Variants in FAF1 observed in about 807,000 individuals in gnomAD.
FAF1 encodes FAS-associated factor 1.
A neutral mutation model predicts 92.5 loss-of-function variants in FAF1; 25 were observed. The observed-to-expected ratio is 0.27, with a 90% confidence interval of 0.20 to 0.38. The LOEUF (loss-of-function observed/expected upper bound fraction) is 0.38. Among genes scored for constraint, FAF1 ranks in the 10% least tolerant of loss-of-function variants. The probability of loss-of-function intolerance (pLI) is 1.00; values close to 1 mark genes in which losing one functional copy is unlikely to be tolerated. For synonymous variants in FAF1, 234 were observed against 273.2 expected (o/e 0.86, Z 1.42); for missense variants, 636 against 793.3 (o/e 0.80, Z 2.38).
At chr1:50,921,158 G>A (rs1192860731) in intron 1 of FAF1, among the ~76,000 whole-genome samples, 1 of 152,174 alleles carries the variant, frequency 6.6e-6, no homozygotes, top group Non-Finnish European at 1.5e-5. Flanking sequence ...CTGTCCAGGG[G>A]CCTTAGGTTG....
chr1:50,797,791 A>G (rs1661818845), intron 3 of FAF1, among the ~76,000 whole-genome samples: 1 of 152,220 alleles, frequency 6.6e-6, no homozygotes, highest in South Asian at 2.1e-4. Flanking sequence ...AGATTGCTTG[A>G]GCTCAGGAGG....
intron 7 of FAF1, among the ~76,000 whole-genome samples, chr1:50,660,152 T>G (rs1655309253): frequency 6.6e-6 from 1 of 152,192 alleles, no homozygotes. Context: ...TTTGATTCAT[T>G]TAAATTTTCA....
intron 18 of FAF1, among the ~76,000 whole-genome samples, chr1:50,447,840 C>T (rs918829042): frequency 6.6e-6 from 1 of 152,190 alleles, no homozygotes; most frequent in African/African-American, 2.4e-5. Flanking sequence ...AAAACCCTCT[C>T]CTCTCTGAAT....
chr1:50,610,201 T>A (rs184548417), intron 8 of FAF1, among the ~76,000 whole-genome samples: 2 of 152,214 alleles, frequency 1.3e-5, no homozygotes, highest in African/African-American at 4.8e-5. Context: ...TTCAAATATA[T>A]GTATTACCTG....
At position 50,441,458 on chromosome 1, in the gene FAF1, GA is replaced by G; in HGVS notation, c.1934del (p.Phe645SerfsTer18). The G allele has an allele frequency of 6.5e-7, 1 of 1,542,228 alleles. No individual in the cohort carries two copies. Among genetic ancestry groups the G allele is most frequent in the Non-Finnish European group, 8.8e-7 (1 of 1,139,572 alleles). ...EVKLFPQETL[F>X]LEAKE ...GCCGTGTTTACTCTTTTGCTTCAAGGAAAAGGGTTTCTTGAGGGAACAACTT... is the reference window on the plus strand; with the variant it reads ...GCCGTGTTTACTCTTTTGCTTCAAGGAAAGGGTTTCTTGAGGGAACAACTT... On this transcript the variant is annotated frameshift_variant, in exon 19 of 19. Transcript: ENST00000396153. LOFTEE classifies it high-confidence loss of function.
intron 2 of FAF1, among the ~76,000 whole-genome samples, chr1:50,843,311 T>C (rs1430752259): frequency 6.6e-6 from 1 of 152,198 alleles, no homozygotes; most frequent in Non-Finnish European, 1.5e-5. Flanking sequence ...ATGGGATATT[T>C]TGATACAAGC....
chr1:50,914,278 G>A (rs555247819), intron 1 of FAF1, among the ~76,000 whole-genome samples: 208 of 152,184 alleles, frequency 1.4e-3, no homozygotes, highest in African/African-American at 4.8e-3. Context: ...ACACCAAAGA[G>A]GAAATTTGGT....
At chr1:50,480,264 C>T (rs1014104752) in intron 17 of FAF1, among the ~76,000 whole-genome samples, 8 of 152,096 alleles carry the variant, frequency 5.3e-5, no homozygotes, top group Non-Finnish European at 1.2e-4. Flanking sequence ...AAGACTGTCA[C>T]TACAAGGTTA....
At chr1:50,931,888 A>AATAATAATAAT (rs778583887) in intron 1 of FAF1, among the ~76,000 whole-genome samples, 1 of 129,502 alleles carries the variant, frequency 7.7e-6, no homozygotes, top group Admixed American at 7.9e-5. Context: ...ATAAATAAAT[A>AATAATAATAAT]AATAATAATA....
intron 3 of FAF1, among the ~76,000 whole-genome samples, chr1:50,797,871 G>A (rs1408173752): frequency 6.6e-6 from 1 of 152,022 alleles, no homozygotes; most frequent in East Asian, 1.9e-4. Flanking sequence ...ACACCGATTT[G>A]GAAGCTCTAT....
chr1:50,466,356 CAGTAGGAATCAGGAATTA>C (rs1314399451), intron 18 of FAF1, among the ~76,000 whole-genome samples: 1 of 152,046 alleles, frequency 6.6e-6, no homozygotes, highest in Non-Finnish European at 1.5e-5. Context: ...TTTTAGGGGA[CAGTAGGAATCAGGAATTA>C]AGTTCTGACT....
chr1:50,479,819 A>T (rs1486259689), intron 17 of FAF1, among the ~76,000 whole-genome samples: 1 of 152,176 alleles, frequency 6.6e-6, no homozygotes, highest in Non-Finnish European at 1.5e-5. Flanking sequence ...TCCCACACCA[A>T]TGGACCAATG....
At chr1:50,927,261 T>C (rs146685381) in intron 1 of FAF1, among the ~76,000 whole-genome samples, 2 of 152,186 alleles carry the variant, frequency 1.3e-5, no homozygotes, top group African/African-American at 4.8e-5. Context: ...GTTATGTATA[T>C]TTTACCAGAA....
At chr1:50,554,390 T>TATAGAGAGAGAGAGAGAGAGAGAG in intron 13 of FAF1, among the ~76,000 whole-genome samples, 7 of 93,702 alleles carry the variant, frequency 7.5e-5, no homozygotes, top group African/African-American at 3.3e-4. Flanking sequence ...TATATATATA[T>TATAGAGAGAGAGAGAGAGAGAGAG]AGAGAGAGAG....
At chr1:50,870,567 A>G (rs1644519470) in intron 1 of FAF1, among the ~76,000 whole-genome samples, 1 of 152,218 alleles carries the variant, frequency 6.6e-6, no homozygotes, top group African/African-American at 2.4e-5. Flanking sequence ...TCTGTGTCAC[A>G]TTTTGGTAAT....
At chr1:50,668,998 G>T (rs1655752145) in intron 7 of FAF1, among the ~76,000 whole-genome samples, 1 of 151,974 alleles carries the variant, frequency 6.6e-6, no homozygotes, top group South Asian at 2.1e-4. Context: ...TATGGGAAAG[G>T]ACATTAAAAA....
At chr1:50,879,018 G>A (rs138661349) in intron 1 of FAF1, among the ~76,000 whole-genome samples, 487 of 152,252 alleles carry the variant, frequency 3.2e-3, no homozygotes, top group African/African-American at 0.012. Context: ...GGCCAAGGTG[G>A]GCAGATCACT....
intron 1 of FAF1, among the ~76,000 whole-genome samples, chr1:50,868,862 T>C (rs980089183): frequency 1.3e-5 from 2 of 152,214 alleles, no homozygotes; most frequent in African/African-American, 4.8e-5. Flanking sequence ...TAAATGTGTA[T>C]TCTATCTGTT....
rs1489997144 is a variant in FAF1 at position 50,661,792 on chromosome 1, G to A, written c.658-6264C>T. 5.9e-5 allele frequency among the ~76,000 whole-genome samples: 9 copies of A among 152,286 alleles called. 1 individual carries two copies. In the South Asian group the frequency reaches 8.3e-4, roughly 14 times the overall value. Reference sequence around the variant, plus strand: ...TGAAAGGCTTATAGTTAAGAAAGCAGTCACTTCTGAATCAGAAGTGATTCA... The same window carrying A: ...TGAAAGGCTTATAGTTAAGAAAGCAATCACTTCTGAATCAGAAGTGATTCA... On this transcript the variant is annotated intron_variant, in intron 7 of 18. Coordinates refer to ENST00000396153, the MANE Select transcript of FAF1 (RefSeq NM_007051.3).
Sources: allele counts gnomAD v4.1 joint callset (sites outside exome capture counted in the v4.1 genomes callset), GRCh38; gene constraint gnomAD v4.1.1; transcripts MANE v1.5; gene names NCBI Gene and HGNC (gene_info 2026-07-23, HGNC 2026-07-21).